Variants in NBAS observed in about 807,000 individuals in gnomAD.
NBAS encodes the protein NBAS subunit of NRZ tethering complex.
NBAS carries 219 observed loss-of-function variants against 302.5 expected under a neutral mutation model. That is an observed-to-expected ratio of 0.72 (90% confidence interval 0.65 to 0.81). The LOEUF (loss-of-function observed/expected upper bound fraction) is 0.81. NBAS is among the 30% of genes least tolerant of loss of function. The pLI, the probability that NBAS is intolerant of heterozygous loss-of-function variation, is 0.00. For synonymous variants in NBAS, 1,118 were observed against 1,021.6 expected (o/e 1.09, Z -1.80); for missense variants, 2,932 against 2,841.6 (o/e 1.03, Z -0.72).
chr2:15,315,812 CCTAA>C lies in NBAS; in HGVS notation c.4583-6569_4583-6566del, dbSNP rs1671481997. On this transcript the variant is annotated intron_variant, in intron 38 of 51. Coordinates refer to ENST00000281513, the MANE Select transcript of NBAS (RefSeq NM_015909.4). ...TATAATGTGCCTAGCCCAGGGCTCTCCTAACTAACATGAATTGTAGGGAACTGAT... is the reference window on the plus strand; with the variant it reads ...TATAATGTGCCTAGCCCAGGGCTCTCCTAACATGAATTGTAGGGAACTGAT... Among the ~76,000 whole-genome samples the C allele has an allele frequency of 2.0e-5, 3 of 152,132 alleles. No homozygotes were observed. In the South Asian group the frequency reaches 6.2e-4, roughly 32 times the overall value.
intron 21 of NBAS, among the ~76,000 whole-genome samples, chr2:15,442,572 T>C (rs535119777): frequency 9.2e-5 from 14 of 151,824 alleles, no homozygotes; most frequent in Non-Finnish European, 1.8e-4. Context: ...AATTGACACC[T>C]TAACATCACA....
chr2:15,011,196 T>C, the NBAS span, among the ~76,000 whole-genome samples: 4 of 152,100 alleles, frequency 2.6e-5, no homozygotes, highest in Admixed American at 2.6e-4. Flanking sequence ...TTAGGGTAGA[T>C]AGGATGGGAA....
chr2:14,947,029 G>A, the NBAS span, among the ~76,000 whole-genome samples: 4 of 152,024 alleles, frequency 2.6e-5, no homozygotes, highest in Non-Finnish European at 5.9e-5. Context: ...AGTTCTAATA[G>A]GAAGTTTATA....
intron 31 of NBAS, among the ~76,000 whole-genome samples, chr2:15,371,836 A>G (rs1177862390): frequency 2.0e-5 from 3 of 152,184 alleles, no homozygotes; most frequent in Admixed American, 6.5e-5. Context: ...TGAGGAAGAA[A>G]AGAAAATGAA....
intron 21 of NBAS, among the ~76,000 whole-genome samples, chr2:15,449,007 G>T (rs1678881551): frequency 6.6e-6 from 1 of 152,074 alleles, no homozygotes; most frequent in Non-Finnish European, 1.5e-5. Context: ...AAGGTTTTTA[G>T]AGTTTGCAAG....
At chr2:14,897,124 G>A in the NBAS span, among the ~76,000 whole-genome samples, 2 of 151,252 alleles carry the variant, frequency 1.3e-5, no homozygotes, top group South Asian at 4.2e-4. Context: ...GAAGAAGGAA[G>A]AAATTTGCCC....
At chr2:14,896,194 A>G in the NBAS span, among the ~76,000 whole-genome samples, 8 of 151,944 alleles carry the variant, frequency 5.3e-5, no homozygotes, top group Admixed American at 2.0e-4. Context: ...CCCAGTTTCC[A>G]GGGAGGCTCT....
intron 9 of NBAS, among the ~76,000 whole-genome samples, chr2:15,514,915 T>G (rs1308853055): frequency 6.6e-6 from 1 of 152,150 alleles, no homozygotes; most frequent in Non-Finnish European, 1.5e-5. Context: ...GGATTCAGTA[T>G]CTGTTCCCAG....
intron 35 of NBAS, among the ~76,000 whole-genome samples, chr2:15,337,299 A>C (rs908913241): frequency 6.6e-6 from 1 of 152,004 alleles, no homozygotes. Context: ...TGGAGGACTC[A>C]GGGGGAAAGG....
At chr2:15,131,972 G>A in the NBAS span, among the ~76,000 whole-genome samples, 5 of 152,146 alleles carry the variant, frequency 3.3e-5, no homozygotes, top group African/African-American at 9.7e-5. Context: ...GATCCACCCC[G>A]TGGTCCAAAC....
the NBAS span, among the ~76,000 whole-genome samples, chr2:15,036,761 A>G: frequency 6.6e-6 from 1 of 152,156 alleles, no homozygotes; most frequent in African/African-American, 2.4e-5. Context: ...TAGACAGGGC[A>G]GGTTGCTTAA....
chr2:15,419,462 G>A (rs775766562), intron 23 of NBAS, among the ~76,000 whole-genome samples: 1 of 152,116 alleles, frequency 6.6e-6, no homozygotes, highest in African/African-American at 2.4e-5. Context: ...CCAGGTTGGA[G>A]TGGAGTGGGT....
At chr2:15,454,090 T>C (rs1679142650) in intron 21 of NBAS, among the ~76,000 whole-genome samples, 1 of 152,168 alleles carries the variant, frequency 6.6e-6, no homozygotes, top group Non-Finnish European at 1.5e-5. Context: ...TAACAGCTTT[T>C]CTAAGAGGGC....
chr2:15,226,636 T>G (rs757452032), intron 47 of NBAS, among the ~76,000 whole-genome samples: 2 of 152,206 alleles, frequency 1.3e-5, no homozygotes, highest in African/African-American at 2.4e-5. Flanking sequence ...TCAACTCTCA[T>G]GTCTAGAGGC....
chr2:15,262,661 C>T (rs1341571733), intron 44 of NBAS, among the ~76,000 whole-genome samples: 1 of 152,206 alleles, frequency 6.6e-6, no homozygotes, highest in Non-Finnish European at 1.5e-5. Context: ...ATTCAACACA[C>T]TGAGAGCCTA....
chr2:15,520,571 C>T (rs1662615544), intron 9 of NBAS, among the ~76,000 whole-genome samples: 1 of 151,704 alleles, frequency 6.6e-6, no homozygotes, highest in South Asian at 2.1e-4. Flanking sequence ...GCTCTGTGGG[C>T]CATATGGTCT....
chr2:14,830,520 T>C, the NBAS span, among the ~76,000 whole-genome samples: 42 of 152,226 alleles, frequency 2.8e-4, no homozygotes, highest in Non-Finnish European at 3.8e-4. Flanking sequence ...ACCGAATAAA[T>C]ATCCATCAAA....
intron 21 of NBAS, among the ~76,000 whole-genome samples, chr2:15,440,523 A>G (rs1572854585): frequency 6.6e-6 from 1 of 152,166 alleles, no homozygotes; most frequent in Admixed American, 6.5e-5. Flanking sequence ...CACCATCATC[A>G]AAGGCCAAAA....
Position 15,275,556 on chromosome 2 carries a change from A to G in NBAS, c.5652T>C (p.Phe1884=). 1 of 1,614,076 alleles carries G rather than the reference A, an allele frequency of 6.2e-7. No homozygotes were observed. The highest frequency in any genetic ancestry group is 8.5e-7 in the Non-Finnish European group (1 of 1,180,006). Residue 1884 remains phenylalanine, a synonymous_variant, in exon 44 of 52, where the codon TTT becomes TTC. Transcript: ENST00000281513. ...LHAYDVCMKY[F]DRLHPGDLIT... ...TGAGGTCACCTGGGTGGAGACGATC[A>G]AAGTACTTCATGCAGACATCATAGG... is the stretch of plus-strand genomic sequence containing the variant.
Sources: gnomAD v4.1 joint callset for allele counts (sites outside exome capture counted in the v4.1 genomes callset) on GRCh38, gnomAD v4.1.1 for gene constraint, MANE v1.5 for transcripts, NCBI Gene and HGNC (gene_info 2026-07-23, HGNC 2026-07-21) for gene names.